The following UNC5D variants were observed in gnomAD, a reference collection of about 807,000 sequenced individuals.
UNC5D encodes the protein unc-5 netrin receptor D.
A neutral mutation model predicts 105.4 loss-of-function variants in UNC5D; 39 were observed. The ratio of observed to expected loss-of-function variants is 0.37; its 90% confidence interval spans 0.29 to 0.48. The LOEUF (loss-of-function observed/expected upper bound fraction) is 0.48, where lower values mean the gene tolerates loss of function less well. UNC5D is among the 20% of genes least tolerant of loss of function. The pLI, the probability that UNC5D is intolerant of heterozygous loss-of-function variation, is 0.98. For synonymous variants in UNC5D, 452 were observed against 450.4 expected, an observed-to-expected ratio of 1.00 and a Z score of -0.04; for missense variants, 991 against 1,202.4, an observed-to-expected ratio of 0.82 and a Z score of 2.60.
At chr8:35,771,805 T>C (rs973107069) in intron 15 of UNC5D, among the ~76,000 whole-genome samples, 3 of 152,204 alleles carry the variant, frequency 2.0e-5, no homozygotes, top group Admixed American at 2.0e-4. Flanking sequence ...CAGGGTGCTA[T>C]AGTGAAATAA....
chr8:35,305,592 T>C (rs1249564787), intron 1 of UNC5D, among the ~76,000 whole-genome samples: 1 of 59,972 alleles, frequency 1.7e-5, no homozygotes, highest in East Asian at 8.7e-4. Flanking sequence ...TTTCTTTCTT[T>C]CTTTCTTTCT....
intron 1 of UNC5D, among the ~76,000 whole-genome samples, chr8:35,382,405 T>C (rs1000132642): frequency 2.0e-5 from 3 of 152,242 alleles, no homozygotes; most frequent in Non-Finnish European, 2.9e-5. Flanking sequence ...AAGTCATTTT[T>C]TCTAAAACTG....
chr8:35,610,455 T>C (rs1347435035), intron 4 of UNC5D, among the ~76,000 whole-genome samples: 1 of 152,152 alleles, frequency 6.6e-6, no homozygotes, highest in Non-Finnish European at 1.5e-5. Context: ...TTATTTGAAA[T>C]ATGTAATCTG....
At chr8:35,556,913 G>C (rs1469918425) in intron 2 of UNC5D, among the ~76,000 whole-genome samples, 1 of 152,246 alleles carries the variant, frequency 6.6e-6, no homozygotes, top group South Asian at 2.1e-4. Flanking sequence ...AGTTGCTCTG[G>C]TTTGAACACC....
intron 15 of UNC5D, among the ~76,000 whole-genome samples, chr8:35,773,935 G>A (rs535753277): frequency 1.3e-5 from 2 of 152,194 alleles, no homozygotes; most frequent in South Asian, 2.1e-4. Flanking sequence ...TGTTGGCGAG[G>A]CTGGTCTTGA....
chr8:35,744,074 T>C (rs151221330), intron 11 of UNC5D, among the ~76,000 whole-genome samples: 2 of 152,352 alleles, frequency 1.3e-5, no homozygotes, highest in African/African-American at 4.8e-5. Context: ...AGTCTTTGTA[T>C]TTCATGACAT....
intron 1 of UNC5D, among the ~76,000 whole-genome samples, chr8:35,346,974 G>A (rs1187057625): frequency 6.6e-6 from 1 of 151,968 alleles, no homozygotes; most frequent in South Asian, 2.1e-4. Context: ...CATCAATGCA[G>A]ACAAGAGAGT....
At chr8:35,632,070 G>A (rs902290893) in intron 4 of UNC5D, among the ~76,000 whole-genome samples, 3 of 152,138 alleles carry the variant, frequency 2.0e-5, no homozygotes, top group African/African-American at 7.2e-5. Flanking sequence ...TTCTTCCCCA[G>A]CTCAAGCACA....
chr8:35,606,703 CAA>C (rs1820316761), intron 4 of UNC5D, among the ~76,000 whole-genome samples: 1 of 152,112 alleles, frequency 6.6e-6, no homozygotes, highest in African/African-American at 2.4e-5. Context: ...AAAGAAAGAA[CAA>C]AAGAGAGAAG....
chr8:35,711,768 C>G (rs1563694041), intron 8 of UNC5D, among the ~76,000 whole-genome samples: 1 of 152,222 alleles, frequency 6.6e-6, no homozygotes, highest in Non-Finnish European at 1.5e-5. Context: ...GCCTCCGTAT[C>G]AAACTATCCC....
intron 1 of UNC5D, among the ~76,000 whole-genome samples, chr8:35,407,676 C>A (rs1217650132): frequency 6.6e-6 from 1 of 152,004 alleles, no homozygotes; most frequent in African/African-American, 2.4e-5. Context: ...TTTTTCTGAT[C>A]CTCTCCCACC....
At chr8:35,562,382 T>C (rs927150329) in intron 2 of UNC5D, among the ~76,000 whole-genome samples, 6 of 152,122 alleles carry the variant, frequency 3.9e-5, no homozygotes, top group Admixed American at 2.0e-4. Context: ...ATGGAAGATA[T>C]ATTTTTAGTT....
Position 35,726,458 on chromosome 8 carries a change from C to G in UNC5D, c.1610C>G (p.Pro537Arg). 1.2e-6 allele frequency: 2 copies of G among 1,614,094 alleles called. No individual in the cohort carries two copies. Among genetic ancestry groups the G allele is most frequent in the South Asian group, 2.2e-5 (2 of 91,084 alleles). ...MPYIQNLSSL[P>R]TRTELRTTGV... ...TACATCCAAAATCTGTCATCACTCC[C>G]CACAAGGACAGAACTGAGGACAACT... The change falls in exon 10 of 17, where the codon CCC becomes CGC. Residue 537 changes from proline (P) to arginine (R), a missense_variant. Pro to Arg is a moderately radical substitution (Grantham distance 103). Coordinates refer to ENST00000404895, the MANE Select transcript of UNC5D (RefSeq NM_080872.4).
At chr8:35,286,453 T>C (rs2128856410) in intron 1 of UNC5D, among the ~76,000 whole-genome samples, 1 of 152,222 alleles carries the variant, frequency 6.6e-6, no homozygotes, top group South Asian at 2.1e-4. Flanking sequence ...AAGCCAATGA[T>C]TATGGAGGGA....
intron 1 of UNC5D, among the ~76,000 whole-genome samples, chr8:35,492,134 G>A (rs1310051058): frequency 6.7e-6 from 1 of 149,220 alleles, no homozygotes; most frequent in Non-Finnish European, 1.5e-5. Flanking sequence ...GGGTCCAAAT[G>A]TGAGTCTATA....
At chr8:35,356,483 T>G (rs753139639) in intron 1 of UNC5D, among the ~76,000 whole-genome samples, 2 of 152,194 alleles carry the variant, frequency 1.3e-5, no homozygotes, top group East Asian at 3.9e-4. Flanking sequence ...CTGTCTTAAC[T>G]GAGCACTTAT....
intron 1 of UNC5D, among the ~76,000 whole-genome samples, chr8:35,405,702 G>C (rs749553369): frequency 2.6e-5 from 4 of 150,950 alleles, no homozygotes; most frequent in Non-Finnish European, 4.4e-5. Flanking sequence ...TTTTTTTTAC[G>C]GGCTCTGAAA....
At chr8:35,631,456 A>C (rs543259576) in intron 4 of UNC5D, among the ~76,000 whole-genome samples, 2 of 152,358 alleles carry the variant, frequency 1.3e-5, no homozygotes, top group South Asian at 4.1e-4. Flanking sequence ...CTTCAACTGC[A>C]CCATGCACTG....
chr8:35,737,490 G>GA (rs377113440), intron 11 of UNC5D, among the ~76,000 whole-genome samples: 2,353 of 146,568 alleles, frequency 0.016, 22 homozygotes, highest in African/African-American at 0.026. Context: ...AAAAGGGTAG[G>GA]AAAAAAAAAA....
Sources: gnomAD v4.1 joint callset for allele counts (sites outside exome capture counted in the v4.1 genomes callset) on GRCh38, gnomAD v4.1.1 for gene constraint, MANE v1.5 for transcripts, NCBI Gene and HGNC (gene_info 2026-07-23, HGNC 2026-07-21) for gene names.